ZDHHC2: variants seen among roughly 807,000 people sequenced by gnomAD.
ZDHHC2 encodes zDHHC palmitoyltransferase 2, also known as palmitoyltransferase ZDHHC2.
A neutral mutation model predicts 55.6 loss-of-function variants in ZDHHC2; 51 were observed. That is an observed-to-expected ratio of 0.92 (90% CI 0.73 to 1.16). The LOEUF (loss-of-function observed/expected upper bound fraction) is 1.16. Ranked by LOEUF, ZDHHC2 falls within the 50% of genes most tolerant of loss-of-function variation. The pLI is 0.00. For synonymous variants in ZDHHC2, 199 were observed against 152.9 expected, an observed-to-expected ratio of 1.30 and a Z score of -2.22; for missense variants, 491 against 442.4, an observed-to-expected ratio of 1.11 and a Z score of -0.99.
chr8:17,163,590 A>C (rs747139601), intron 1 of ZDHHC2, among the ~76,000 whole-genome samples: 1 of 152,154 alleles, frequency 6.6e-6, no homozygotes, highest in Non-Finnish European at 1.5e-5. Flanking sequence ...CATAATTTAT[A>C]CTGCTGATTT....
chr8:17,208,045 T>G lies in ZDHHC2; in HGVS notation c.683T>G (p.Leu228Arg), dbSNP rs758830046. ...ATGTTTTCTGTCAGCTTGTCTTCTCTGTTTGGCTATCATTGTTGGCTAGTC... is the reference window on the plus strand; with the variant it reads ...ATGTTTTCTGTCAGCTTGTCTTCTCGGTTTGGCTATCATTGTTGGCTAGTC... ...AAMFSVSLSS[L>R]FGYHCWLVSK... The change falls in exon 8 of 13, where the codon CTG (leucine) becomes CGG (arginine). Residue 228 changes from leucine to arginine, a missense_variant. Coordinates refer to ENST00000262096, the MANE Select transcript of ZDHHC2 (RefSeq NM_016353.5). 1 of 1,593,708 alleles carries G rather than the reference T, an allele frequency of 6.3e-7. No homozygotes were observed. Among genetic ancestry groups the G allele is most frequent in the Non-Finnish European group, 8.6e-7 (1 of 1,168,816 alleles).
intron 3 of ZDHHC2, among the ~76,000 whole-genome samples, chr8:17,191,578 C>G (rs1230972397): frequency 1.3e-5 from 2 of 152,208 alleles, no homozygotes; most frequent in African/African-American, 4.8e-5. Flanking sequence ...TTGTCTTTCT[C>G]TGCCTTGCTT....
intron 3 of ZDHHC2, among the ~76,000 whole-genome samples, chr8:17,191,449 T>G (rs1411752123): frequency 6.6e-6 from 1 of 152,196 alleles, no homozygotes; most frequent in African/African-American, 2.4e-5. Flanking sequence ...TTTCCCCACT[T>G]ATGTCCAAGT....
At chr8:17,179,528 G>A (rs901594251) in intron 1 of ZDHHC2, among the ~76,000 whole-genome samples, 7 of 151,988 alleles carry the variant, frequency 4.6e-5, no homozygotes, top group South Asian at 2.1e-4. Context: ...CCTGCCCCCA[G>A]TCTCCCAAGT....
At chr8:17,218,951 A>G (rs1213593198) in intron 12 of ZDHHC2, among the ~76,000 whole-genome samples, 1 of 152,088 alleles carries the variant, frequency 6.6e-6, no homozygotes, top group Non-Finnish European at 1.5e-5. Context: ...CCTAATTTAT[A>G]TTAAATATCT....
intron 5 of ZDHHC2, among the ~76,000 whole-genome samples, chr8:17,198,164 G>A (rs1806421422): frequency 6.6e-6 from 1 of 152,086 alleles, no homozygotes; most frequent in South Asian, 2.1e-4. Context: ...TCTTAAGCAT[G>A]TATATTTTGA....
At chr8:17,163,726 G>C (rs1804467240) in intron 1 of ZDHHC2, among the ~76,000 whole-genome samples, 1 of 152,144 alleles carries the variant, frequency 6.6e-6, no homozygotes, top group Non-Finnish European at 1.5e-5. Flanking sequence ...TGTCTTGTCT[G>C]TCTTGCAGAA....
At chr8:17,178,855 A>G (rs1278374581) in intron 1 of ZDHHC2, among the ~76,000 whole-genome samples, 1 of 152,202 alleles carries the variant, frequency 6.6e-6, no homozygotes, top group African/African-American at 2.4e-5. Context: ...AAAAACAATT[A>G]ATGTTATAAC....
intron 12 of ZDHHC2, among the ~76,000 whole-genome samples, chr8:17,219,252 T>TAAAAAAAAAAAAAAAAAAAAAA (rs71212684): frequency 2.0e-5 from 1 of 49,560 alleles, no homozygotes; most frequent in African/African-American, 8.5e-5. Context: ...AGCAAGACTC[T>TAAAAAAAAAAAAAAAAAAAAAA]AAAAAAAAAA....
chr8:17,168,391 A>T (rs1469755504), intron 1 of ZDHHC2, among the ~76,000 whole-genome samples: 2 of 152,202 alleles, frequency 1.3e-5, no homozygotes, highest in African/African-American at 4.8e-5. Flanking sequence ...GGAAGTGACC[A>T]GAGGTGAGAA....
chr8:17,217,783 A>T (rs768387059), intron 12 of ZDHHC2, among the ~76,000 whole-genome samples: 5 of 152,002 alleles, frequency 3.3e-5, no homozygotes, highest in Non-Finnish European at 7.4e-5. Context: ...CATTTTCTTT[A>T]AGCCTTATTT....
chr8:17,184,858 TG>T, intron 2 of ZDHHC2, 43 bp downstream of exon 2: 3 of 1,479,326 alleles, frequency 2.0e-6, no homozygotes, highest in Non-Finnish European at 2.7e-6. Context: ...TTAAATAGTT[TG>T]AAAAAAAATT....
At chr8:17,205,086 A>G (rs2150938246) in intron 6 of ZDHHC2, among the ~76,000 whole-genome samples, 1 of 152,322 alleles carries the variant, frequency 6.6e-6, no homozygotes, top group Non-Finnish European at 1.5e-5. Flanking sequence ...TCACTTCCTC[A>G]GGGCCACATC....
chr8:17,190,061 G>A (rs888595814), intron 3 of ZDHHC2, among the ~76,000 whole-genome samples: 3 of 151,970 alleles, frequency 2.0e-5, no homozygotes, highest in Non-Finnish European at 2.9e-5. Context: ...TGAAGCATGG[G>A]GGAAAAATAG....
At chr8:17,166,452 A>C (rs1486566780) in intron 1 of ZDHHC2, among the ~76,000 whole-genome samples, 1 of 152,228 alleles carries the variant, frequency 6.6e-6, no homozygotes, top group Non-Finnish European at 1.5e-5. Flanking sequence ...GTGTGCTGTC[A>C]TGAAATAGAG....
At chr8:17,218,308 T>C (rs999541339) in intron 12 of ZDHHC2, among the ~76,000 whole-genome samples, 4 of 152,218 alleles carry the variant, frequency 2.6e-5, no homozygotes, top group Non-Finnish European at 4.4e-5. Flanking sequence ...TTTTAGAGTA[T>C]AGCTATAGCA....
chr8:17,211,021 T>A (rs1807359181), intron 10 of ZDHHC2, among the ~76,000 whole-genome samples: 1 of 152,138 alleles, frequency 6.6e-6, no homozygotes, highest in African/African-American at 2.4e-5. Context: ...GTCTTAGAAA[T>A]TCATTGTCTG....
At chr8:17,158,138 A>T (rs1027992460) in intron 1 of ZDHHC2, among the ~76,000 whole-genome samples, 1 of 152,226 alleles carries the variant, frequency 6.6e-6, no homozygotes. Flanking sequence ...ATGAGGCTGT[A>T]CAGGCATTAT....
chr8:17,214,374 T>C (rs961578256), intron 10 of ZDHHC2, among the ~76,000 whole-genome samples: 1 of 152,226 alleles, frequency 6.6e-6, no homozygotes, highest in African/African-American at 2.4e-5. Flanking sequence ...GTTTCAGTTT[T>C]ACAGAAGAAG....
Sources: gnomAD v4.1 joint callset for allele counts (sites outside exome capture counted in the v4.1 genomes callset) on GRCh38, gnomAD v4.1.1 for gene constraint, MANE v1.5 for transcripts, NCBI Gene and HGNC (gene_info 2026-07-23, HGNC 2026-07-21) for gene names.